Variants in XYLT1 observed in about 807,000 individuals in gnomAD.
XYLT1 encodes xylosyltransferase 1, also known as beta-D-xylosyltransferase 1.
A neutral mutation model predicts 91.3 loss-of-function variants in XYLT1; 36 were observed. The ratio of observed to expected loss-of-function variants is 0.39; its 90% CI spans 0.30 to 0.52. The LOEUF (loss-of-function observed/expected upper bound fraction) is 0.52. XYLT1 is among the 20% of genes least tolerant of loss of function. The probability of loss-of-function intolerance (pLI) is 0.68; values close to 1 mark genes in which losing one functional copy is unlikely to be tolerated. For missense variants in XYLT1, 1,242 were observed against 1,284.5 expected, an observed-to-expected ratio of 0.97 and a Z score of 0.51; for synonymous variants, 588 against 532.0, an observed-to-expected ratio of 1.11 and a Z score of -1.45.
At chr16:17,309,294 T>C (rs1271896380) in intron 2 of XYLT1, among the ~76,000 whole-genome samples, 3 of 152,212 alleles carry the variant, frequency 2.0e-5, no homozygotes, top group Non-Finnish European at 2.9e-5. Context: ...AAAATGTCTC[T>C]GGACATTGCC....
In XYLT1 at chr16:17,115,063, C is replaced by T. The variant is rs572250659; in HGVS notation, c.2557+2583G>A. On this transcript the variant is annotated intron_variant, in intron 11 of 11. Coordinates refer to ENST00000261381, the MANE Select transcript of XYLT1 (RefSeq NM_022166.4). ...GTTTCACTGTGTTAGCCAGGATGGT[C>T]TCGATCTCCTGACATCGTGATCCAC... is the stretch of plus-strand genomic sequence containing the variant. 6.6e-5 allele frequency among the ~76,000 whole-genome samples: 10 copies of T among 152,204 alleles called. No homozygotes were observed. In the South Asian group the frequency reaches 2.1e-3, roughly 32 times the overall value.
At chr16:17,153,385 T>C (rs746704488) in intron 6 of XYLT1, among the ~76,000 whole-genome samples, 1 of 152,206 alleles carries the variant, frequency 6.6e-6, no homozygotes, top group Non-Finnish European at 1.5e-5. Flanking sequence ...CTATGTGCTT[T>C]ATGTAGCATC....
intron 1 of XYLT1, among the ~76,000 whole-genome samples, chr16:17,433,994 C>T (rs151042019): frequency 2.2e-3 from 333 of 151,686 alleles, no homozygotes; most frequent in Admixed American, 3.9e-3. Context: ...GCGCCTTTAA[C>T]GTTTCATTTG....
intron 3 of XYLT1, among the ~76,000 whole-genome samples, chr16:17,232,450 C>CATATATATATAT (rs5815943): frequency 1.9e-4 from 21 of 113,244 alleles, no homozygotes; most frequent in Non-Finnish European, 3.2e-4. Flanking sequence ...TATATATATA[C>CATATATATATAT]ATATATATAT....
intron 6 of XYLT1, among the ~76,000 whole-genome samples, chr16:17,157,671 A>G (rs1199578588): frequency 6.6e-6 from 1 of 152,176 alleles, no homozygotes; most frequent in African/African-American, 2.4e-5. Context: ...AAATGATCCC[A>G]AGCACTGCCA....
rs535771633 is a variant in XYLT1, at chr16:17,294,383, G to A, written c.403-34885C>T. Among the ~76,000 whole-genome samples the A allele has an allele frequency of 8.6e-4, 131 of 152,324 alleles. 1 individual carries two copies. The highest frequency in any genetic ancestry group is 3.1e-3 in the African/African-American group (130 of 41,578). On this transcript the variant is annotated intron_variant, in intron 2 of 11. Transcript: ENST00000261381. ...CCAGCCCAACACCGTCAGAGGGCAT[G>A]TTACTGCTCGAAAGTACAAAATAAG... is the stretch of plus-strand genomic sequence containing the variant.
At chr16:17,423,697 C>T (rs940431215) in intron 1 of XYLT1, among the ~76,000 whole-genome samples, 2 of 152,022 alleles carry the variant, frequency 1.3e-5, no homozygotes, top group African/African-American at 2.4e-5. Flanking sequence ...CTCACTGCAA[C>T]CTCTGCCTCC....
At chr16:17,299,937 G>A (rs2034369593) in intron 2 of XYLT1, among the ~76,000 whole-genome samples, 1 of 152,162 alleles carries the variant, frequency 6.6e-6, no homozygotes, top group African/African-American at 2.4e-5. Flanking sequence ...CAGCAGGAAT[G>A]GAATCTGGCC....
At chr16:17,461,904 G>T (rs2036829031) in intron 1 of XYLT1, among the ~76,000 whole-genome samples, 1 of 152,120 alleles carries the variant, frequency 6.6e-6, no homozygotes, top group African/African-American at 2.4e-5. Context: ...CTCTTAACTT[G>T]CCAGATGTTA....
rs1423778601 is a variant in XYLT1, at chr16:17,104,987, G to A, written c.*3708C>T. The A allele has an allele frequency of 6.6e-6, 1 of 152,172 alleles. No individual in the cohort carries two copies. Among genetic ancestry groups the A allele is most frequent in the Non-Finnish European group, 1.5e-5 (1 of 68,080 alleles). The allele number at this position is 152,172 out of a possible 1,614,324, so 9.4% of individuals were successfully genotyped here. ...AGGTCTAGCTTGCTGTCTTTAAAGT[G>A]GAGTGTGTTAACAGCTGTTTCTAGA... On this transcript the variant is annotated 3_prime_UTR_variant, in exon 12 of 12. Coordinates refer to ENST00000261381, the MANE Select transcript of XYLT1 (RefSeq NM_022166.4).
chr16:17,355,286 T>C (rs2035279024), intron 2 of XYLT1: 1 of 152,754 alleles, frequency 6.5e-6, no homozygotes, highest in Non-Finnish European at 1.5e-5. Context: ...GAGTGAAGGA[T>C]ACAGGAAGGT....
chr16:17,205,709 G>A (rs1028510833), intron 3 of XYLT1, among the ~76,000 whole-genome samples: 1 of 152,168 alleles, frequency 6.6e-6, no homozygotes, highest in African/African-American at 2.4e-5. Flanking sequence ...AGGGCTGTGT[G>A]TACTCTAGAG....
intron 1 of XYLT1, among the ~76,000 whole-genome samples, chr16:17,359,283 C>T (rs187197092): frequency 3.3e-4 from 50 of 152,266 alleles, no homozygotes; most frequent in Admixed American, 2.6e-3. Context: ...TTTTCCACCA[C>T]GGGGTTTTAG....
chr16:17,232,120 A>C (rs1223638311), intron 3 of XYLT1, among the ~76,000 whole-genome samples: 1 of 145,080 alleles, frequency 6.9e-6, no homozygotes, highest in Non-Finnish European at 1.5e-5. Context: ...ATAATTATAT[A>C]TATTATAATA....
chr16:17,276,777 G>A (rs533912904), intron 2 of XYLT1, among the ~76,000 whole-genome samples: 1 of 152,172 alleles, frequency 6.6e-6, no homozygotes, highest in South Asian at 2.1e-4. Context: ...TTGAGGATCT[G>A]AAATCCAGCT....
In XYLT1 at chr16:17,134,594, C is replaced by T. The variant is rs748773365; in HGVS notation, c.1906G>A (p.Asp636Asn). ...GLRSYWENVY[D>N]EPDGIHSLSD... ...AGGCTGTGGATGCCGTCAGGCTCAT[C>T]GTAGACATTCTCCCAGTAGGAGCGC... The change falls in exon 9 of 12, where the codon GAT becomes AAT. Residue 636 changes from aspartate (D) to asparagine (N), a missense_variant. Around this residue, in one of 3 missense-constraint regions of XYLT1, gnomAD observed 511 missense variants for 497.0 expected, o/e 1.03. Transcript: ENST00000261381. 26 of 1,614,062 alleles carry T rather than the reference C, an allele frequency of 1.6e-5. 1 individual carries two copies. Among genetic ancestry groups the T allele is most frequent in the South Asian group, 5.5e-5 (5 of 91,092 alleles).
At chr16:17,467,975 A>G (rs1042395774) in intron 1 of XYLT1, among the ~76,000 whole-genome samples, 12 of 152,158 alleles carry the variant, frequency 7.9e-5, no homozygotes, top group African/African-American at 2.2e-4. Flanking sequence ...CCCACTCCTG[A>G]ATCTCCCTCC....
At chr16:17,445,434 G>A (rs2036579915) in intron 1 of XYLT1, among the ~76,000 whole-genome samples, 1 of 152,244 alleles carries the variant, frequency 6.6e-6, no homozygotes, top group South Asian at 2.1e-4. Flanking sequence ...TGAGTCGGCT[G>A]GAGGCCACTC....
intron 3 of XYLT1, among the ~76,000 whole-genome samples, chr16:17,237,825 G>A (rs146495593): frequency 2.6e-5 from 4 of 152,254 alleles, no homozygotes; most frequent in African/African-American, 9.6e-5. Flanking sequence ...AGTTAGCTGA[G>A]AGCCCAGGTA....
Sources: allele counts gnomAD v4.1 joint callset (sites outside exome capture counted in the v4.1 genomes callset), GRCh38; gene constraint gnomAD v4.1.1; regional missense constraint gnomAD v4.1.1; transcripts MANE v1.5; gene names NCBI Gene and HGNC (gene_info 2026-07-23, HGNC 2026-07-21).